PLAC8L1: variants seen among roughly 807,000 people sequenced by gnomAD.
The protein encoded by PLAC8L1 is PLAC8-like protein 1.
Under a neutral mutation model 16.3 loss-of-function variants are expected in PLAC8L1, and 13 were observed. The observed-to-expected ratio is 0.80, with a 90% CI of 0.52 to 1.27. The LOEUF is 1.27. Among genes scored for constraint, PLAC8L1 ranks in the 50% most tolerant of loss-of-function variants. The pLI is 0.00. For missense variants in PLAC8L1, 184 were observed against 220.2 expected (o/e 0.84, Z 1.04); for synonymous variants, 78 against 79.3 (o/e 0.98, Z 0.09).
chr5:146,092,608 C>A (rs562885712), intron 2 of PLAC8L1, among the ~76,000 whole-genome samples: 1 of 133,042 alleles, frequency 7.5e-6, no homozygotes, highest in Non-Finnish European at 1.5e-5. Context: ...GTAGCATGAT[C>A]TCAGCTGACT....
Position 146,105,358 on chromosome 5 carries a change from C to T in PLAC8L1, c.-1047G>A, listed in dbSNP as rs1411858779. The stretch of plus-strand genomic sequence containing the variant: ...TCAGACATAGCTTCATAACTGCCTT[C>T]AATCATGGGGTTCTGGGCAACTGTC... On this transcript the variant is annotated 5_prime_UTR_variant, in exon 1 of 4. Coordinates refer to ENST00000311450, the MANE Select transcript of PLAC8L1 (RefSeq NM_001029869.3). Among the ~76,000 whole-genome samples, 3 of 151,996 alleles carry T rather than the reference C, an allele frequency of 2.0e-5. No homozygotes were observed. The highest frequency in any genetic ancestry group is 4.4e-5 in the Non-Finnish European group (3 of 68,002).
At chr5:146,103,716 T>A in intron 1 of PLAC8L1, 1 of 985,404 alleles carries the variant, frequency 1.0e-6, no homozygotes, top group Non-Finnish European at 1.2e-6. Context: ...ACTCCATTCC[T>A]CTTCCTCTTC....
chr5:146,090,671 A>T (rs1229167602), intron 2 of PLAC8L1, among the ~76,000 whole-genome samples: 2 of 152,240 alleles, frequency 1.3e-5, no homozygotes, highest in African/African-American at 4.8e-5. Flanking sequence ...AATGGCCAGT[A>T]ACGAAGGCAA....
At chr5:146,086,699 G>A (rs1383742788) in intron 2 of PLAC8L1, among the ~76,000 whole-genome samples, 5 of 152,086 alleles carry the variant, frequency 3.3e-5, no homozygotes, top group South Asian at 2.1e-4. Context: ...TCAATTTCAC[G>A]GAGTTCATGT....
At chr5:146,087,495 A>G (rs1763536483) in intron 2 of PLAC8L1, among the ~76,000 whole-genome samples, 1 of 152,188 alleles carries the variant, frequency 6.6e-6, no homozygotes, top group Admixed American at 6.5e-5. Context: ...GCAATGCATG[A>G]CAGTTATATT....
chr5:146,099,149 T>C (rs529507559), intron 1 of PLAC8L1, among the ~76,000 whole-genome samples: 2 of 152,170 alleles, frequency 1.3e-5, no homozygotes, highest in South Asian at 4.1e-4. Context: ...GAAGGGTAAG[T>C]TGCACTTGGC....
chr5:146,088,310 C>G (rs1386035618), intron 2 of PLAC8L1, among the ~76,000 whole-genome samples: 1 of 152,144 alleles, frequency 6.6e-6, no homozygotes, highest in East Asian at 1.9e-4. Flanking sequence ...TATTGTCAGT[C>G]ATTTTTATTT....
At chr5:146,096,844 A>G (rs993262170) in intron 2 of PLAC8L1, among the ~76,000 whole-genome samples, 7 of 152,252 alleles carry the variant, frequency 4.6e-5, no homozygotes. Context: ...AGAGAACCAG[A>G]GAACAGCTTC....
intron 2 of PLAC8L1, among the ~76,000 whole-genome samples, chr5:146,091,033 G>T (rs758251188): frequency 6.6e-6 from 1 of 151,318 alleles, no homozygotes; most frequent in Non-Finnish European, 1.5e-5. Flanking sequence ...CAGCCCGAGC[G>T]ACAAGAGCAA....
intron 2 of PLAC8L1, among the ~76,000 whole-genome samples, chr5:146,085,927 T>A (rs1763503218): frequency 6.6e-6 from 1 of 152,236 alleles, no homozygotes; most frequent in Non-Finnish European, 1.5e-5. Flanking sequence ...TTGCTTTCAT[T>A]ATGTTCATCT....
In PLAC8L1 at chr5:146,085,460, C is replaced by T. The variant is rs1388260135; in HGVS notation, c.393+1G>A. On this transcript the variant is annotated splice_donor_variant, in intron 3 of 3. Transcript: ENST00000311450. LOFTEE classifies it high-confidence loss of function. ...TCACGTATACCTTCAAACACACTTA[C>T]CTGTATTTTATGTCTCTCCCTGGTG... is the stretch of plus-strand genomic sequence containing the variant. The T allele has an allele frequency of 2.5e-6, 4 of 1,613,928 alleles. No individual in the cohort carries two copies. The highest frequency in any genetic ancestry group is 1.3e-5 in the African/African-American group (1 of 75,022).
intron 1 of PLAC8L1, among the ~76,000 whole-genome samples, chr5:146,100,785 C>T (rs180785901): frequency 1.3e-5 from 2 of 152,166 alleles, no homozygotes; most frequent in East Asian, 1.9e-4. Context: ...TGCATCGCAT[C>T]CCCCAAAACG....
At chr5:146,093,976 T>C (rs1391347462) in intron 2 of PLAC8L1, among the ~76,000 whole-genome samples, 1 of 152,232 alleles carries the variant, frequency 6.6e-6, no homozygotes, top group South Asian at 2.1e-4. Context: ...CTTTACCCCA[T>C]TCTCCTATAA....
chr5:146,086,191 G>A (rs1027144957), intron 2 of PLAC8L1, among the ~76,000 whole-genome samples: 5 of 150,934 alleles, frequency 3.3e-5, no homozygotes, highest in African/African-American at 7.3e-5. Context: ...CACTACGCCC[G>A]GCTAATTTTT....
Position 146,098,168 on chromosome 5 carries a change from C to T in PLAC8L1, c.244G>A (p.Asp82Asn). ...AGGAAAAACTTACAAATTCTCCTAT[C>T]TCTGCAGACACTGAAGAGACCGGTG... ...WSTGLFSVCR[D>N]RRICFCGLFC... The change falls in exon 2 of 4, where the codon GAT becomes AAT. Residue 82 changes from aspartate (D) to asparagine (N), a missense_variant. Coordinates refer to ENST00000311450, the MANE Select transcript of PLAC8L1 (RefSeq NM_001029869.3). 6.2e-7 allele frequency: 1 copy of T among 1,612,548 alleles called. No individual in the cohort carries two copies. The highest frequency in any genetic ancestry group is 8.5e-7 in the Non-Finnish European group (1 of 1,179,120).
chr5:146,103,658 G>A (rs1260096817), intron 1 of PLAC8L1: 3 of 985,176 alleles, frequency 3.0e-6, no homozygotes, highest in East Asian at 2.3e-4. Flanking sequence ...GCTAACTCCT[G>A]TTAAAGTTTG....
At position 146,104,412 on chromosome 5, in the gene PLAC8L1, A is replaced by G. The variant is rs1454840054; in HGVS notation, c.-101T>C. The G allele has an allele frequency of 4.3e-6, 4 of 928,686 alleles. No individual in the cohort carries two copies. Among genetic ancestry groups the G allele is most frequent in the Non-Finnish European group, 7.0e-6 (4 of 570,220 alleles). 57.5% of individuals were successfully genotyped at this position (928,686 alleles called of 1,614,324 possible). ...AGTCCAAAGTGAAACATCTCTTGAA[A>G]GAATGTTCCCTTAATATTCTGGAAC... On this transcript the variant is annotated 5_prime_UTR_variant, in exon 1 of 4. Transcript: ENST00000311450.
intron 1 of PLAC8L1, among the ~76,000 whole-genome samples, chr5:146,101,795 T>A (rs1464932016): frequency 6.6e-6 from 1 of 152,240 alleles, no homozygotes; most frequent in East Asian, 1.9e-4. Flanking sequence ...CAAAGGCATT[T>A]ACCTCTCAAT....
At chr5:146,094,016 T>C (rs1342562463) in intron 2 of PLAC8L1, among the ~76,000 whole-genome samples, 1 of 152,256 alleles carries the variant, frequency 6.6e-6, no homozygotes, top group Non-Finnish European at 1.5e-5. Flanking sequence ...GTTTAATTTC[T>C]TCATGGCATT....
Sources: allele counts gnomAD v4.1 joint callset (sites outside exome capture counted in the v4.1 genomes callset), GRCh38; gene constraint gnomAD v4.1.1; transcripts MANE v1.5; gene names NCBI Gene and HGNC (gene_info 2026-07-23, HGNC 2026-07-21).